GAP43: variants seen among roughly 807,000 people sequenced by gnomAD.
The protein encoded by GAP43 is neuromodulin.
GAP43 carries 6 observed loss-of-function variants against 18.6 expected under a neutral mutation model. The ratio of observed to expected loss-of-function variants is 0.32; its 90% confidence interval spans 0.18 to 0.64. The LOEUF is 0.64. Among genes scored for constraint, GAP43 ranks in the 30% least tolerant of loss-of-function variants. The pLI is 0.78. For synonymous variants in GAP43, 115 were observed against 111.4 expected, an observed-to-expected ratio of 1.03 and a Z score of -0.20; for missense variants, 292 against 295.5, an observed-to-expected ratio of 0.99 and a Z score of 0.09.
chr3:115,649,092 A>T (rs1008055640), intron 1 of GAP43, among the ~76,000 whole-genome samples: 1 of 152,162 alleles, frequency 6.6e-6, no homozygotes, highest in Non-Finnish European at 1.5e-5. Flanking sequence ...CTACAAAAAA[A>T]AATCACAGAT....
chr3:115,657,613 A>C (rs1197901861), intron 1 of GAP43, among the ~76,000 whole-genome samples: 1 of 152,196 alleles, frequency 6.6e-6, no homozygotes, highest in Non-Finnish European at 1.5e-5. Flanking sequence ...CCTAGAACAA[A>C]TTAGTCTTTT....
At chr3:115,710,782 C>T (rs952449170) in intron 2 of GAP43, among the ~76,000 whole-genome samples, 3 of 152,076 alleles carry the variant, frequency 2.0e-5, no homozygotes, top group African/African-American at 7.2e-5. Flanking sequence ...AATGAAGCCT[C>T]CCAAAGTGAA....
chr3:115,628,001 C>G (rs1225180121), intron 1 of GAP43, among the ~76,000 whole-genome samples: 1 of 152,126 alleles, frequency 6.6e-6, no homozygotes, highest in Non-Finnish European at 1.5e-5. Context: ...AAACCAGACA[C>G]AAATGAACAC....
intron 1 of GAP43, among the ~76,000 whole-genome samples, chr3:115,634,217 G>A (rs1011792735): frequency 3.3e-5 from 5 of 152,068 alleles, no homozygotes; most frequent in East Asian, 1.9e-4. Context: ...CTCAGAAATC[G>A]GTTGCTTTTA....
chr3:115,678,015 C>T (rs958207211), intron 2 of GAP43, among the ~76,000 whole-genome samples: 4 of 152,158 alleles, frequency 2.6e-5, no homozygotes, highest in Non-Finnish European at 4.4e-5. Flanking sequence ...TCGTATGCTT[C>T]TTTTCATTTT....
chr3:115,673,916 G>A (rs2164930), intron 1 of GAP43, among the ~76,000 whole-genome samples: 100,064 of 152,106 alleles, frequency 0.66, 33,392 homozygotes, highest in East Asian at 0.87. Flanking sequence ...AAAATTATCA[G>A]ACCTGCTTTT....
intron 2 of GAP43, among the ~76,000 whole-genome samples, chr3:115,691,570 G>C (rs1041093132): frequency 3.9e-5 from 6 of 152,196 alleles, no homozygotes; most frequent in African/African-American, 1.4e-4. Context: ...GTTCCTTTCA[G>C]CTGAAGCTAT....
intron 1 of GAP43, among the ~76,000 whole-genome samples, chr3:115,631,990 G>A (rs1708265789): frequency 6.6e-6 from 1 of 152,158 alleles, no homozygotes; most frequent in African/African-American, 2.4e-5. Flanking sequence ...AAACTTCAGT[G>A]ACAGAATTTA....
chr3:115,698,205 TTATATAAAA>T (rs1380491754), intron 2 of GAP43, among the ~76,000 whole-genome samples: 1,020 of 5,460 alleles, frequency 0.19, 59 homozygotes, highest in African/African-American at 0.27. Flanking sequence ...ATATTATATA[TTATATAAAA>T]TATATAATAT....
In GAP43 at chr3:115,680,557, A is replaced by G. The variant is rs75640348; in HGVS notation, c.628+3947A>G. Among the ~76,000 whole-genome samples the G allele has an allele frequency of 4.9e-3, 739 of 152,314 alleles. 5 individuals are homozygous for G. Among genetic ancestry groups the G allele is most frequent in the African/African-American group, 0.017 (710 of 41,560 alleles). On this transcript the variant is annotated intron_variant, in intron 2 of 2. Coordinates refer to ENST00000305124, the MANE Select transcript of GAP43 (RefSeq NM_002045.4). ...GGTAGTATGAAATTCAGGGAATGAC[A>G]TTGAAAACAATCATATTCATAATCT... is the stretch of plus-strand genomic sequence containing the variant.
chr3:115,711,513 C>CA (rs1559807772), intron 2 of GAP43, among the ~76,000 whole-genome samples: 7 of 132,716 alleles, frequency 5.3e-5, no homozygotes, highest in African/African-American at 1.8e-4. Flanking sequence ...ACACACACAC[C>CA]CCCCTACAGA....
intron 1 of GAP43, among the ~76,000 whole-genome samples, chr3:115,649,822 A>AAAAG (rs200417871): frequency 0.41 from 56,245 of 136,446 alleles, 12,224 homozygotes; most frequent in Middle Eastern, 0.47. Context: ...AAAAAAAAAA[A>AAAAG]AAAGAAAGAA....
intron 1 of GAP43, among the ~76,000 whole-genome samples, chr3:115,655,838 C>G (rs955953434): frequency 2.0e-5 from 3 of 152,164 alleles, no homozygotes; most frequent in Non-Finnish European, 4.4e-5. Context: ...TAATTCCACA[C>G]GAACTACCCA....
Position 115,676,204 on chromosome 3 carries a change from T to C in GAP43, c.222T>C (p.Val74=), listed in dbSNP as rs762538944. 5 of 1,613,990 alleles carry C rather than the reference T, an allele frequency of 3.1e-6. No individual in the cohort carries two copies. In the East Asian group the frequency reaches 1.1e-4, roughly 36 times the overall value. Residue 74 remains valine (V), a synonymous_variant, in exon 2 of 3, where the codon GTT becomes GTC. Transcript: ENST00000305124. ...CTAATAAGAAGGATGAAGCCCCTGTTGCCGATGGGGTGGAGAAGAAGGGAG... is the reference window on the plus strand; with the variant it reads ...CTAATAAGAAGGATGAAGCCCCTGTCGCCGATGGGGTGGAGAAGAAGGGAG... ...AEANKKDEAP[V]ADGVEKKGEG...
intron 2 of GAP43, among the ~76,000 whole-genome samples, chr3:115,697,985 G>GCA (rs1553724555): frequency 1.0e-4 from 5 of 47,864 alleles, no homozygotes; most frequent in Admixed American, 9.4e-4. Context: ...GTACATGTGC[G>GCA]TGTGTGTGTG....
intron 1 of GAP43, among the ~76,000 whole-genome samples, chr3:115,630,217 A>T (rs1370651123): frequency 2.6e-5 from 4 of 152,084 alleles, no homozygotes; most frequent in Non-Finnish European, 5.9e-5. Context: ...GAGTAGCAAT[A>T]TTTTTTTCTT....
In GAP43 at chr3:115,676,262, A is replaced by G; in HGVS notation, c.280A>G (p.Thr94Ala). The G allele has an allele frequency of 6.2e-7, 1 of 1,614,138 alleles. No homozygotes were observed. ...GTTTAEAAPA[T>A]GSKPDEPGKA... ...CACTACTGCCGAAGCAGCCCCAGCC[A>G]CTGGCTCCAAGCCTGATGAGCCCGG... is the stretch of plus-strand genomic sequence containing the variant. The change falls in exon 2 of 3, where the codon ACT (threonine) becomes GCT (alanine). Residue 94 changes from threonine to alanine, a missense_variant. Physicochemically the swap from Thr to Ala is moderately conservative, Grantham distance 58. Coordinates refer to ENST00000305124, the MANE Select transcript of GAP43 (RefSeq NM_002045.4).
intron 2 of GAP43, among the ~76,000 whole-genome samples, chr3:115,712,248 TAATA>T (rs1419368317): frequency 6.6e-6 from 1 of 152,208 alleles, no homozygotes; most frequent in African/African-American, 2.4e-5. Flanking sequence ...TGTCTTTAAT[TAATA>T]GTCACTCATA....
chr3:115,657,734 T>C (rs149401951), intron 1 of GAP43, among the ~76,000 whole-genome samples: 1 of 152,262 alleles, frequency 6.6e-6, no homozygotes, highest in Non-Finnish European at 1.5e-5. Flanking sequence ...TGAAATAATA[T>C]ATTTTGTAGA....
Sources: gnomAD v4.1 joint callset for allele counts (sites outside exome capture counted in the v4.1 genomes callset) on GRCh38, gnomAD v4.1.1 for gene constraint, MANE v1.5 for transcripts, NCBI Gene and HGNC (gene_info 2026-07-23, HGNC 2026-07-21) for gene names.